Variants in TRDN observed in about 807,000 individuals in gnomAD.
TRDN encodes the protein triadin in skeletal muscle.
TRDN carries 161 observed loss-of-function variants against 149.7 expected under a neutral mutation model. The observed-to-expected ratio is 1.08, with a 90% CI of 0.95 to 1.23. TRDN has a LOEUF of 1.23. Among genes scored for constraint, TRDN ranks in the 50% most tolerant of loss-of-function variants. TRDN has a pLI of 0.00. For synonymous variants in TRDN, 294 were observed against 250.5 expected (o/e 1.17, Z -1.64); for missense variants, 896 against 823.5 (o/e 1.09, Z -1.08).
intron 9 of TRDN, among the ~76,000 whole-genome samples, chr6:123,478,354 C>T (rs1296244199): frequency 2.0e-5 from 3 of 152,192 alleles, no homozygotes; most frequent in Non-Finnish European, 4.4e-5. Flanking sequence ...AAAGACCAGT[C>T]TCCATGTTAG....
intron 38 of TRDN, among the ~76,000 whole-genome samples, chr6:123,246,148 A>C (rs189847655): frequency 9.9e-5 from 15 of 152,272 alleles, no homozygotes; most frequent in Admixed American, 2.0e-4. Flanking sequence ...AAAATTCAAA[A>C]TTGACACACT....
At position 123,559,314 on chromosome 6, in the gene TRDN, G is replaced by A. The variant is rs56785894; in HGVS notation, c.233-10702C>T. 7.5e-3 allele frequency among the ~76,000 whole-genome samples: 1,115 copies of A among 147,772 alleles called. 15 individuals carry two copies. The highest frequency in any genetic ancestry group is 0.025 in the African/African-American group (981 of 39,744). On this transcript the variant is annotated intron_variant, in intron 2 of 40. Coordinates refer to ENST00000334268, the MANE Select transcript of TRDN (RefSeq NM_006073.4). Reference sequence around the variant, plus strand: ...CTTCTAAACCTCTTAAAACTCCCCAGCTCTGGTGCCAAATTAGACAATACT... The same window carrying A: ...CTTCTAAACCTCTTAAAACTCCCCAACTCTGGTGCCAAATTAGACAATACT...
chr6:123,416,760 G>A (rs971104826), intron 12 of TRDN, among the ~76,000 whole-genome samples: 3 of 149,860 alleles, frequency 2.0e-5, no homozygotes, highest in South Asian at 4.2e-4. Flanking sequence ...GGAGTGCAGC[G>A]GCATAATCTC....
At chr6:123,532,335 G>A (rs1780288966) in intron 4 of TRDN, among the ~76,000 whole-genome samples, 1 of 151,830 alleles carries the variant, frequency 6.6e-6, no homozygotes, top group Non-Finnish European at 1.5e-5. Context: ...TTATTTTATC[G>A]AATACTAACC....
At chr6:123,519,125 A>G (rs1779548886) in intron 5 of TRDN, among the ~76,000 whole-genome samples, 1 of 152,192 alleles carries the variant, frequency 6.6e-6, no homozygotes, top group East Asian at 1.9e-4. Flanking sequence ...AGCTTCTTGC[A>G]CCTGCTAGAG....
At chr6:123,573,864 C>T (rs1782696297) in intron 1 of TRDN, among the ~76,000 whole-genome samples, 2 of 151,960 alleles carry the variant, frequency 1.3e-5, no homozygotes, top group Admixed American at 1.3e-4. Context: ...AGTATAAGTG[C>T]AGTTTATAAG....
At chr6:123,281,274 T>G (rs1165676391) in intron 24 of TRDN, among the ~76,000 whole-genome samples, 1 of 152,082 alleles carries the variant, frequency 6.6e-6, no homozygotes, top group East Asian at 1.9e-4. Context: ...TGAGAACCTT[T>G]TGTTAATGTA....
chr6:123,588,977 A>G (rs369061030), intron 1 of TRDN, among the ~76,000 whole-genome samples: 1 of 152,218 alleles, frequency 6.6e-6, no homozygotes. Flanking sequence ...GTCAGAGGGC[A>G]CTATGTACAG....
intron 23 of TRDN, among the ~76,000 whole-genome samples, chr6:123,325,514 T>C (rs779621677): frequency 5.3e-5 from 8 of 152,112 alleles, no homozygotes; most frequent in South Asian, 2.1e-4. Context: ...TGAATTGCAA[T>C]ACTATTGGAA....
At chr6:123,492,643 C>A (rs111456861) in intron 9 of TRDN, among the ~76,000 whole-genome samples, 1 of 151,868 alleles carries the variant, frequency 6.6e-6, no homozygotes, top group African/African-American at 2.4e-5. Flanking sequence ...ATGTGCTAAG[C>A]CACACAAAAT....
intron 1 of TRDN, among the ~76,000 whole-genome samples, chr6:123,626,295 A>T (rs1785661107): frequency 1.3e-5 from 2 of 152,122 alleles, no homozygotes; most frequent in Non-Finnish European, 2.9e-5. Flanking sequence ...CACCTTGGCC[A>T]ACATGGTGAA....
intron 10 of TRDN, among the ~76,000 whole-genome samples, chr6:123,455,311 G>C (rs1245452651): frequency 6.0e-5 from 9 of 150,176 alleles, no homozygotes; most frequent in Non-Finnish European, 1.3e-4. Flanking sequence ...ATGAGTGATT[G>C]CATTTATTTA....
intron 1 of TRDN, among the ~76,000 whole-genome samples, chr6:123,635,372 G>A (rs1219400170): frequency 6.7e-6 from 1 of 149,462 alleles, no homozygotes; most frequent in Non-Finnish European, 1.5e-5. Flanking sequence ...TAAAGGGGCT[G>A]GGTTTAAATG....
At chr6:123,614,164 C>G (rs1039709828) in intron 1 of TRDN, among the ~76,000 whole-genome samples, 3 of 151,748 alleles carry the variant, frequency 2.0e-5, no homozygotes, top group African/African-American at 7.3e-5. Flanking sequence ...ACAAGATCCT[C>G]AAGTGATTCA....
At chr6:123,322,118 T>C (rs1294016813) in intron 23 of TRDN, among the ~76,000 whole-genome samples, 1 of 152,188 alleles carries the variant, frequency 6.6e-6, no homozygotes, top group Non-Finnish European at 1.5e-5. Context: ...GCATTCTCTA[T>C]GCTCCCATTT....
intron 12 of TRDN, among the ~76,000 whole-genome samples, chr6:123,419,153 C>G (rs1172761156): frequency 6.6e-6 from 1 of 151,918 alleles, no homozygotes; most frequent in Non-Finnish European, 1.5e-5. Context: ...TCTCGGGTAG[C>G]TGAGAGGTGG....
Position 123,278,327 on chromosome 6 carries a change from C to T in TRDN, c.1558G>A (p.Glu520Lys). ...KPPQLQGKKE[E>K]KPEPQIKKEA... ...AATAAAATATACATACCTGGCTTCT[C>T]TTCCTTTTTTCCTTGTAGTTCTAAA... The change falls in exon 26 of 41, where the codon GAG becomes AAG. Residue 520 changes from glutamate (E) to lysine (K), a missense_variant. Transcript: ENST00000334268. 1.5e-6 allele frequency: 2 copies of T among 1,296,526 alleles called. No homozygotes were observed. Among genetic ancestry groups the T allele is most frequent in the South Asian group, 1.4e-5 (1 of 70,342 alleles). The allele number at this position is 1,296,526 out of a possible 1,614,324, so 80.3% of individuals were successfully genotyped here.
rs73770171 is a variant in TRDN at position 123,565,558 on chromosome 6, A to G, written c.232+5365T>C. ...AACTGTCTTCCCAGAAATCCCTTAT[A>G]TGTATGTTTTCAGGTAACAGTTGGA... On this transcript the variant is annotated intron_variant, in intron 2 of 40. Transcript: ENST00000334268. Among the ~76,000 whole-genome samples, 449 of 152,292 alleles carry G rather than the reference A, an allele frequency of 2.9e-3. 1 individual carries two copies. Among genetic ancestry groups the G allele is most frequent in the African/African-American group, 0.011 (441 of 41,572 alleles).
chr6:123,567,826 A>T (rs1782369619), intron 2 of TRDN, among the ~76,000 whole-genome samples: 2 of 152,194 alleles, frequency 1.3e-5, no homozygotes, highest in Admixed American at 6.5e-5. Flanking sequence ...TATGGGACAC[A>T]TATCCAAACT....
Sources: gnomAD v4.1 joint callset for allele counts (sites outside exome capture counted in the v4.1 genomes callset) on GRCh38, gnomAD v4.1.1 for gene constraint, MANE v1.5 for transcripts, NCBI Gene and HGNC (gene_info 2026-07-23, HGNC 2026-07-21) for gene names.